The following PCDH11X variants were observed in gnomAD, a reference collection of about 807,000 sequenced individuals.
PCDH11X encodes the protein protocadherin 11 X-linked.
A neutral mutation model predicts 53.3 loss-of-function variants in PCDH11X; 18 were observed. The ratio of observed to expected loss-of-function variants is 0.34; its 90% CI spans 0.23 to 0.50. The LOEUF (loss-of-function observed/expected upper bound fraction) is 0.50, where lower values mean the gene tolerates loss of function less well. Among genes scored for constraint, PCDH11X ranks in the 20% least tolerant of loss-of-function variants. The probability of loss-of-function intolerance (pLI) is 0.98; values close to 1 mark genes in which losing one functional copy is unlikely to be tolerated. For missense variants in PCDH11X, 570 were observed against 1,032.4 expected (o/e 0.55, Z 6.14); for synonymous variants, 279 against 393.3 (o/e 0.71, Z 3.44).
intron 6 of PCDH11X, among the ~76,000 whole-genome samples, chrX:92,078,542 G>A (rs997195224): frequency 9.0e-6 from 1 of 110,969 alleles, no homozygotes; most frequent in African/African-American, 3.3e-5. Context: ...CAGAATGAGG[G>A]CAGTTATAAA....
At chrX:92,578,080 A>C (rs1445239781) in intron 10 of PCDH11X, among the ~76,000 whole-genome samples, 1 of 98,668 alleles carries the variant, frequency 1.0e-5, no homozygotes, top group Non-Finnish European at 2.1e-5. Context: ...AAGCCCTGAA[A>C]ATTTTTGTTA....
intron 6 of PCDH11X, among the ~76,000 whole-genome samples, chrX:91,922,952 C>G (rs1229790095): frequency 9.0e-6 from 1 of 111,069 alleles, no homozygotes; most frequent in African/African-American, 3.3e-5. Flanking sequence ...CACATGGACT[C>G]TACAAAAGAA....
chrX:92,037,472 G>C (rs1267996487), intron 6 of PCDH11X, among the ~76,000 whole-genome samples: 1 of 111,631 alleles, frequency 9.0e-6, no homozygotes, highest in East Asian at 2.8e-4. Context: ...ATGGGCATTT[G>C]GGTTGGTTCC....
chrX:92,077,616 G>T (rs1223010922), intron 6 of PCDH11X, among the ~76,000 whole-genome samples: 1 of 70,856 alleles, frequency 1.4e-5, no homozygotes, highest in Non-Finnish European at 2.7e-5. Flanking sequence ...AAAGAAGGAA[G>T]GAAGGGAGGA....
At chrX:92,614,811 T>C (rs1209310168) in intron 10 of PCDH11X, among the ~76,000 whole-genome samples, 1 of 111,560 alleles carries the variant, frequency 9.0e-6, no homozygotes, top group African/African-American at 3.3e-5. Context: ...AGGGGAGGCC[T>C]AAATTCCTAA....
chrX:92,250,779 T>A (rs1425809417), intron 7 of PCDH11X, among the ~76,000 whole-genome samples: 2 of 109,491 alleles, frequency 1.8e-5, no homozygotes, highest in African/African-American at 6.6e-5. Flanking sequence ...ACTCCATTCA[T>A]ATGTGCAGAA....
chrX:92,474,082 C>A (rs1254547783), intron 10 of PCDH11X, among the ~76,000 whole-genome samples: 1 of 110,724 alleles, frequency 9.0e-6, no homozygotes, highest in African/African-American at 3.3e-5. Context: ...TGTATTGGGG[C>A]CTATCTCTAT....
intron 6 of PCDH11X, among the ~76,000 whole-genome samples, chrX:92,053,333 A>G (rs1051385104): frequency 2.8e-5 from 3 of 108,365 alleles, no homozygotes; most frequent in Non-Finnish European, 3.8e-5. Flanking sequence ...TCAACCTATT[A>G]GTTTTAAAAA....
intron 6 of PCDH11X, among the ~76,000 whole-genome samples, chrX:91,945,790 C>T (rs866795959): frequency 4.4e-4 from 49 of 110,124 alleles, no homozygotes; most frequent in African/African-American, 1.4e-3. Flanking sequence ...AGGATGAAAC[C>T]GAACCTTTAC....
intron 8 of PCDH11X, among the ~76,000 whole-genome samples, chrX:92,273,393 C>T (rs1038090688): frequency 2.7e-5 from 3 of 111,346 alleles, no homozygotes; most frequent in Non-Finnish European, 5.6e-5. Flanking sequence ...GGAATGTCAT[C>T]AGTTAAGGCG....
chrX:91,890,925 T>C (rs1409438011), intron 6 of PCDH11X, among the ~76,000 whole-genome samples: 1 of 107,840 alleles, frequency 9.3e-6, no homozygotes, highest in African/African-American at 3.4e-5. Context: ...GCATAAATCA[T>C]AGGAATATGA....
intron 6 of PCDH11X, among the ~76,000 whole-genome samples, chrX:92,034,688 T>A (rs1264219033): frequency 9.0e-6 from 1 of 110,554 alleles, no homozygotes; most frequent in East Asian, 2.9e-4. Flanking sequence ...TTGCTTTTTT[T>A]ATCCATTCAG....
chrX:92,393,112 G>T (rs1395153474), intron 9 of PCDH11X, among the ~76,000 whole-genome samples: 5 of 110,151 alleles, frequency 4.5e-5, no homozygotes, highest in African/African-American at 1.6e-4. Context: ...ATCAATTCAT[G>T]TATTACAATA....
intron 9 of PCDH11X, among the ~76,000 whole-genome samples, chrX:92,444,772 T>A (rs1181838305): frequency 9.5e-6 from 1 of 104,972 alleles, no homozygotes; most frequent in Non-Finnish European, 2.0e-5. Context: ...TTGAATTTAA[T>A]CAAAAGCTTT....
At chrX:92,370,131 AT>A (rs1267542735) in intron 8 of PCDH11X, among the ~76,000 whole-genome samples, 4 of 108,090 alleles carry the variant, frequency 3.7e-5, no homozygotes, top group African/African-American at 1.4e-4. Flanking sequence ...TTCTAATGTG[AT>A]TTTTCTTTCT....
At chrX:92,390,456 T>C (rs954797430) in intron 9 of PCDH11X, among the ~76,000 whole-genome samples, 4 of 108,467 alleles carry the variant, frequency 3.7e-5, no homozygotes, top group African/African-American at 1.4e-4. Flanking sequence ...CATAGCAAAG[T>C]ATTCTCTTTA....
At chrX:92,441,055 C>T (rs1420306733) in intron 9 of PCDH11X, among the ~76,000 whole-genome samples, 1 of 110,702 alleles carries the variant, frequency 9.0e-6, no homozygotes, top group East Asian at 2.9e-4. Flanking sequence ...AGACGGATGG[C>T]ACTTTTCCCC....
At chrX:92,334,397 G>T (rs746291282) in intron 8 of PCDH11X, among the ~76,000 whole-genome samples, 1 of 111,561 alleles carries the variant, frequency 9.0e-6, no homozygotes, top group East Asian at 2.8e-4. Context: ...CTATTACAGT[G>T]AGCTGAAGTG....
chrX:92,051,803 G>T (rs2063371318), intron 6 of PCDH11X, among the ~76,000 whole-genome samples: 1 of 110,686 alleles, frequency 9.0e-6, no homozygotes, highest in African/African-American at 3.3e-5. Flanking sequence ...AGTTTTAATG[G>T]TTGTACAACT....
Sources: allele counts gnomAD v4.1 joint callset (sites outside exome capture counted in the v4.1 genomes callset), GRCh38; gene constraint gnomAD v4.1.1; transcripts MANE v1.5; gene names NCBI Gene and HGNC (gene_info 2026-07-23, HGNC 2026-07-21).